The following PKIG variants were observed in gnomAD, a reference collection of about 807,000 sequenced individuals.
PKIG encodes protein kinase (cAMP-dependent, catalytic) inhibitor gamma.
A neutral mutation model predicts 6.8 loss-of-function variants in PKIG; 1 was observed. The observed-to-expected ratio is 0.15, with a 90% CI of 0.05 to 0.69. PKIG has a LOEUF of 0.69. Ranked by LOEUF, PKIG falls within the 30% of genes least tolerant of loss-of-function variation. The pLI is 0.82. For synonymous variants in PKIG, 39 were observed against 43.0 expected (o/e 0.91, Z 0.36); for missense variants, 77 against 104.0 (o/e 0.74, Z 1.13).
At chr20:44,555,502 A>G (rs1277903622) in intron 1 of PKIG, among the ~76,000 whole-genome samples, 2 of 152,338 alleles carry the variant, frequency 1.3e-5, no homozygotes, top group Admixed American at 6.5e-5. Context: ...TTCTGTGTCT[A>G]AATTCAGAGA....
At chr20:44,556,738 A>G (rs2064716948) in intron 1 of PKIG, among the ~76,000 whole-genome samples, 1 of 152,058 alleles carries the variant, frequency 6.6e-6, no homozygotes, top group South Asian at 2.1e-4. Context: ...TTTTTTATTT[A>G]TGGCAGAGTA....
rs371227385 is a variant in PKIG at position 44,558,910 on chromosome 20, C to G, written c.-240-23675C>G. On this transcript the variant is annotated intron_variant, in intron 1 of 4. Coordinates refer to the PKIG transcript ENST00000372887. ...GGGACTATAAATGCGTGCCACTGTG[C>G]CCAGCTAATAAAGCTCCTTCTGCTG... Among the ~76,000 whole-genome samples the G allele has an allele frequency of 3.6e-4, 55 of 152,124 alleles. 1 individual carries two copies. In the East Asian group the frequency reaches 6.8e-3, roughly 19 times the overall value.
At chr20:44,539,572 C>A (rs2064542674) in intron 1 of PKIG, among the ~76,000 whole-genome samples, 6 of 152,030 alleles carry the variant, frequency 3.9e-5, no homozygotes, top group Admixed American at 2.6e-4. Flanking sequence ...GCGCCCACCA[C>A]CACGCCCGGC....
chr20:44,606,739 G>A (rs536200211), intron 2 of PKIG, among the ~76,000 whole-genome samples: 3 of 152,330 alleles, frequency 2.0e-5, no homozygotes, highest in African/African-American at 7.2e-5. Flanking sequence ...AATCTGGGAG[G>A]AGGAGGTTGC....
intron 2 of PKIG, among the ~76,000 whole-genome samples, chr20:44,592,010 G>C (rs944115185): frequency 1.3e-5 from 2 of 152,180 alleles, no homozygotes; most frequent in African/African-American, 4.8e-5. Flanking sequence ...AACACTGACC[G>C]AAGGCCAGGT....
At chr20:44,565,665 A>G (rs1208020790) in intron 1 of PKIG, among the ~76,000 whole-genome samples, 8 of 152,186 alleles carry the variant, frequency 5.3e-5, no homozygotes, top group Non-Finnish European at 1.0e-4. Context: ...CATAATCTTT[A>G]TATCCTTCAT....
chr20:44,595,993 G>A (rs1184248796), intron 2 of PKIG, among the ~76,000 whole-genome samples: 4 of 151,904 alleles, frequency 2.6e-5, no homozygotes, highest in Non-Finnish European at 5.9e-5. Context: ...TTTTTGTTTT[G>A]TTTTACTCTT....
At chr20:44,601,587 G>A (rs548475800) in intron 2 of PKIG, among the ~76,000 whole-genome samples, 1 of 152,202 alleles carries the variant, frequency 6.6e-6, no homozygotes, top group Non-Finnish European at 1.5e-5. Flanking sequence ...TTTGATGAAT[G>A]CCTGTTCAGT....
chr20:44,544,937 T>TTC, intron 1 of PKIG, among the ~76,000 whole-genome samples: 1 of 115,370 alleles, frequency 8.7e-6, no homozygotes, highest in African/African-American at 3.4e-5. Context: ...TTTTTTTTTT[T>TTC]TTTTTTTTTT....
intron 1 of PKIG, among the ~76,000 whole-genome samples, chr20:44,569,094 C>T (rs1188277984): frequency 6.6e-6 from 1 of 152,146 alleles, no homozygotes; most frequent in Non-Finnish European, 1.5e-5. Context: ...GGTCCCATGT[C>T]CCCCCTACAT....
At chr20:44,578,589 C>T (rs755260821), upstream of PKIG, among the ~76,000 whole-genome samples, 14 of 151,984 alleles carry the variant, frequency 9.2e-5, no homozygotes, top group Non-Finnish European at 1.8e-4. Flanking sequence ...TGCAACATTC[C>T]GGCTCTCCTT....
intron 1 of PKIG, among the ~76,000 whole-genome samples, chr20:44,549,767 G>A (rs913519851): frequency 2.6e-5 from 4 of 152,212 alleles, no homozygotes; most frequent in Admixed American, 2.0e-4. Context: ...AGAAGCTGCA[G>A]TGAGCTGTGT....
intron 1 of PKIG, among the ~76,000 whole-genome samples, chr20:44,553,533 G>C (rs1408565057): frequency 6.6e-6 from 1 of 152,120 alleles, no homozygotes; most frequent in Non-Finnish European, 1.5e-5. Flanking sequence ...CAGCACATTA[G>C]ATCAGCAAAA....
chr20:44,569,157 G>T (rs73615485), intron 1 of PKIG, among the ~76,000 whole-genome samples: 1 of 152,062 alleles, frequency 6.6e-6, no homozygotes, highest in African/African-American at 2.4e-5. Context: ...ATGTTGTACC[G>T]TTTTCCATTT....
At chr20:44,576,344 TATAA>T (rs1484512178) in intron 1 of PKIG, among the ~76,000 whole-genome samples, 7 of 152,130 alleles carry the variant, frequency 4.6e-5, no homozygotes, top group Admixed American at 4.6e-4. Flanking sequence ...AACGTGTACT[TATAA>T]ATATGTTAAG....
intron 2 of PKIG, among the ~76,000 whole-genome samples, chr20:44,603,211 G>A (rs1430084853): frequency 2.6e-5 from 4 of 152,110 alleles, no homozygotes; most frequent in Non-Finnish European, 2.9e-5. Flanking sequence ...CTGTAGCACC[G>A]TTAAACAGAG....
intron 1 of PKIG, among the ~76,000 whole-genome samples, chr20:44,565,041 A>G (rs1007734043): frequency 6.6e-6 from 1 of 152,228 alleles, no homozygotes; most frequent in Non-Finnish European, 1.5e-5. Flanking sequence ...CTACTATGCT[A>G]CTTGTTCTTG....
rs1953661607 is a variant in PKIG, at chr20:44,541,930, C to A, written c.-241+9952C>A. ...TCTTGAACTCTTGACCTCAAATGAT[C>A]CACCCCCCTCGGCTTCCCAAAGTGC... On this transcript the variant is annotated intron_variant, in intron 1 of 4. Transcript: ENST00000372887. Among the ~76,000 whole-genome samples the A allele has an allele frequency of 3.9e-5, 6 of 152,074 alleles. No homozygotes were observed. The South Asian group carries it at 1.2e-3, about 31-fold the overall frequency.
chr20:44,613,104 C>T (rs1392072853), intron 2 of PKIG, among the ~76,000 whole-genome samples: 2 of 152,368 alleles, frequency 1.3e-5, no homozygotes, highest in Non-Finnish European at 2.9e-5. Flanking sequence ...TCTCCTTTCT[C>T]TAGACTGTGT....
Sources: allele counts gnomAD v4.1 joint callset (sites outside exome capture counted in the v4.1 genomes callset), GRCh38; gene constraint gnomAD v4.1.1; transcripts MANE v1.5; gene names NCBI Gene and HGNC (gene_info 2026-07-23, HGNC 2026-07-21).